Variants in DSCAM observed in about 807,000 individuals in gnomAD.
DSCAM encodes the protein cell adhesion molecule DSCAM.
In DSCAM, 47 loss-of-function variants were observed where a neutral mutation model predicts 217.7. That is an observed-to-expected ratio of 0.22 (90% CI 0.17 to 0.28). The LOEUF (loss-of-function observed/expected upper bound fraction) is 0.28. Among genes scored for constraint, DSCAM ranks in the 10% least tolerant of loss-of-function variants. DSCAM has a pLI of 1.00. For synonymous variants in DSCAM, 1,056 were observed against 1,015.3 expected (o/e 1.04, Z -0.76); for missense variants, 2,080 against 2,618.3 (o/e 0.79, Z 4.49).
intron 1 of DSCAM, among the ~76,000 whole-genome samples, chr21:40,803,208 T>C (rs2091757701): frequency 6.6e-6 from 1 of 152,250 alleles, no homozygotes; most frequent in African/African-American, 2.4e-5. Context: ...AAAATAATTA[T>C]GGAACATCTG....
At chr21:40,503,581 C>T (rs542167716) in intron 3 of DSCAM, among the ~76,000 whole-genome samples, 1 of 152,306 alleles carries the variant, frequency 6.6e-6, no homozygotes, top group African/African-American at 2.4e-5. Flanking sequence ...GCCAACTTCA[C>T]GCTGCACATC....
At chr21:40,532,254 C>A (rs548820321) in intron 3 of DSCAM, among the ~76,000 whole-genome samples, 140 of 147,376 alleles carry the variant, frequency 9.5e-4, no homozygotes, top group Non-Finnish European at 1.5e-3. Context: ...AACAATGAAT[C>A]TGAAATACTA....
intron 15 of DSCAM, among the ~76,000 whole-genome samples, chr21:40,173,545 C>T (rs866046019): frequency 2.0e-5 from 3 of 152,096 alleles, no homozygotes; most frequent in Non-Finnish European, 2.9e-5. Flanking sequence ...GGGGTGTGCT[C>T]GGCTCTTCTC....
At chr21:40,543,616 C>A (rs975598011) in intron 3 of DSCAM, among the ~76,000 whole-genome samples, 1 of 152,054 alleles carries the variant, frequency 6.6e-6, no homozygotes, top group Non-Finnish European at 1.5e-5. Flanking sequence ...GCAGGGATCC[C>A]AAATCTACAA....
chr21:40,339,224 A>C lies in DSCAM; in HGVS notation c.1402T>G (p.Tyr468Asp), dbSNP rs775829199. ...ACCTGGGAGCTGGAGATGTTCAGGT[A>C]GCTGACCACGTTCCCCTCCGACGTG... ...MITSEGNVVSYLNISSSQVRD... is the reference protein window; with the variant it reads ...MITSEGNVVSDLNISSSQVRD... Residue 468 changes from tyrosine (Y) to aspartate (D), a missense_variant, in exon 7 of 33, where the codon TAC becomes GAC. By Grantham distance (160) the Tyr-to-Asp change is radical (BLOSUM62 -3). This residue lies in a region of DSCAM where 568 missense variants were observed against 678.1 expected (regional missense o/e 0.84). Transcript: ENST00000400454. 6.2e-7 allele frequency: 1 copy of C among 1,614,182 alleles called. No individual in the cohort carries two copies. The highest frequency in any genetic ancestry group is 1.7e-5 in the Admixed American group (1 of 60,026).
In DSCAM at chr21:40,692,992, G is replaced by A. The variant is rs199692499; in HGVS notation, c.362-36C>T. On this transcript the variant is annotated intron_variant, in intron 2 of 32. Coordinates refer to ENST00000400454, the MANE Select transcript of DSCAM (RefSeq NM_001389.5). The stretch of plus-strand genomic sequence containing the variant: ...GAAAGAGGACGTCAGTAAGGCACAC[G>A]GTCAACAGGCTCATTCTGAGAGTAT... 2.4e-4 allele frequency: 374 copies of A among 1,585,872 alleles called. 3 individuals are homozygous for A. The highest frequency in any genetic ancestry group is 1.4e-4 in the East Asian group (6 of 44,270).
At chr21:40,805,109 C>T (rs1483086344) in intron 1 of DSCAM, among the ~76,000 whole-genome samples, 1 of 152,216 alleles carries the variant, frequency 6.6e-6, no homozygotes, top group Non-Finnish European at 1.5e-5. Flanking sequence ...CTAGAATCCA[C>T]CCTTGCTCCT....
At chr21:40,418,976 A>G (rs1962734268) in intron 3 of DSCAM, among the ~76,000 whole-genome samples, 2 of 152,066 alleles carry the variant, frequency 1.3e-5, no homozygotes, top group African/African-American at 4.8e-5. Flanking sequence ...AGAAAAAAAT[A>G]TATATCTATT....
chr21:40,308,901 C>T (rs565055230), intron 9 of DSCAM, among the ~76,000 whole-genome samples: 1 of 152,234 alleles, frequency 6.6e-6, no homozygotes, highest in East Asian at 1.9e-4. Flanking sequence ...TTGGTGCTAC[C>T]TACTGGAGCT....
chr21:40,279,946 A>C (rs1223830982), intron 10 of DSCAM, among the ~76,000 whole-genome samples: 1 of 151,950 alleles, frequency 6.6e-6, no homozygotes, highest in East Asian at 1.9e-4. Context: ...GGAACATCAC[A>C]TACTGGGGCC....
intron 3 of DSCAM, among the ~76,000 whole-genome samples, chr21:40,534,064 G>A (rs1218359798): frequency 6.6e-6 from 1 of 152,102 alleles, no homozygotes; most frequent in African/African-American, 2.4e-5. Flanking sequence ...TTATAAAATA[G>A]AAGGTAAAAG....
chr21:40,560,166 G>T (rs2076708902), intron 3 of DSCAM, among the ~76,000 whole-genome samples: 1 of 152,180 alleles, frequency 6.6e-6, no homozygotes, highest in Non-Finnish European at 1.5e-5. Context: ...ACTAAAATGT[G>T]AAGATGTAGG....
chr21:40,240,349 G>GTTTTTTTTTTTTTTTTTTTTTTT (rs749073872), intron 11 of DSCAM, among the ~76,000 whole-genome samples: 2 of 57,722 alleles, frequency 3.5e-5, no homozygotes, highest in Admixed American at 2.1e-4. Flanking sequence ...TTCCTCACTG[G>GTTTTTTTTTTTTTTTTTTTTTTT]TTTTTTTTTT....
At chr21:40,096,587 G>GGA (rs1002792795) in intron 20 of DSCAM, among the ~76,000 whole-genome samples, 19 of 152,044 alleles carry the variant, frequency 1.2e-4, no homozygotes, top group African/African-American at 4.4e-4. Flanking sequence ...CTAAAGGAGG[G>GGA]GAGAGAGACA....
chr21:40,276,041 C>G, intron 11 of DSCAM, 56 bp downstream of exon 11: 2 of 1,449,228 alleles, frequency 1.4e-6, no homozygotes. Context: ...AAAAAGGAAG[C>G]CCCCAGAGAC....
At chr21:40,666,748 T>A in intron 3 of DSCAM, among the ~76,000 whole-genome samples, 1 of 152,186 alleles carries the variant, frequency 6.6e-6, no homozygotes. Context: ...CCAGTTGCGG[T>A]TAGCGCTAGA....
At chr21:40,413,304 C>T (rs1202017775) in intron 3 of DSCAM, among the ~76,000 whole-genome samples, 1 of 152,182 alleles carries the variant, frequency 6.6e-6, no homozygotes, top group Non-Finnish European at 1.5e-5. Flanking sequence ...CAACTTGCAT[C>T]ATGCATCTGG....
rs143366122 is a variant in DSCAM, at chr21:40,815,563, C to T, written c.43+31056G>A. ...CTTCTAGGGCAACTGTGATTACGTC[C>T]GTTTTCCAGATGAAATGCTGAGAAA... On this transcript the variant is annotated intron_variant, in intron 1 of 32. Transcript: ENST00000400454. Among the ~76,000 whole-genome samples the T allele has an allele frequency of 1.1e-4, 16 of 152,268 alleles. No individual in the cohort carries two copies. In the East Asian group the frequency reaches 2.9e-3, roughly 28 times the overall value.
At chr21:40,225,116 A>G (rs2091320414) in intron 11 of DSCAM, among the ~76,000 whole-genome samples, 1 of 152,252 alleles carries the variant, frequency 6.6e-6, no homozygotes, top group Non-Finnish European at 1.5e-5. Flanking sequence ...GAGATTGGCC[A>G]GGCCAACTGC....
Sources: gnomAD v4.1 joint callset for allele counts (sites outside exome capture counted in the v4.1 genomes callset) on GRCh38, gnomAD v4.1.1 for gene constraint, gnomAD v4.1.1 regional missense constraint, MANE v1.5 for transcripts, NCBI Gene and HGNC (gene_info 2026-07-23, HGNC 2026-07-21) for gene names.